ABCC1: variants seen among roughly 807,000 people sequenced by gnomAD.
ABCC1 encodes ATP binding cassette subfamily C member 1 (ABCC1 blood group), also known as multidrug resistance-associated protein 1.
In ABCC1, 83 loss-of-function variants were observed where a neutral mutation model predicts 172.9. The observed-to-expected ratio is 0.48, with a 90% confidence interval of 0.40 to 0.58. The LOEUF (loss-of-function observed/expected upper bound fraction) is 0.58. Ranked by LOEUF, ABCC1 falls within the 20% of genes least tolerant of loss-of-function variation. The pLI, the probability that ABCC1 is intolerant of heterozygous loss-of-function variation, is 0.00. For missense variants in ABCC1, 1,817 were observed against 2,002.7 expected (o/e 0.91, Z 1.77); for synonymous variants, 937 against 825.2 (o/e 1.14, Z -2.32).
chr16:16,134,232 C>G, intron 27 of ABCC1, 118 bp from the exon 28 acceptor site: 2 of 1,297,774 alleles, frequency 1.5e-6, no homozygotes, highest in Middle Eastern at 2.6e-4. Flanking sequence ...AGAGGGCTGT[C>G]GAGTTGGGTT....
intron 26 of ABCC1, among the ~76,000 whole-genome samples, chr16:16,128,796 C>G (rs866803797): frequency 1.3e-5 from 2 of 151,962 alleles, no homozygotes; most frequent in Non-Finnish European, 1.5e-5. Flanking sequence ...GCCAGGAGTT[C>G]GAGACCAGCC....
chr16:16,053,917 C>T (rs12444264), intron 11 of ABCC1, among the ~76,000 whole-genome samples: 20,893 of 150,242 alleles, frequency 0.14, 1,529 homozygotes, highest in Admixed American at 0.16. Context: ...CAACTTTCTA[C>T]GTATGTATAT....
intron 21 of ABCC1, among the ~76,000 whole-genome samples, chr16:16,108,545 G>T (rs1181972009): frequency 1.3e-5 from 2 of 150,474 alleles, no homozygotes; most frequent in African/African-American, 2.4e-5. Context: ...CTGGTGCTGG[G>T]ATTATAGGCA....
chr16:16,030,789 C>T (rs1462553232), intron 5 of ABCC1, among the ~76,000 whole-genome samples: 1 of 152,004 alleles, frequency 6.6e-6, no homozygotes, highest in Non-Finnish European at 1.5e-5. Flanking sequence ...CTTCAGTGCC[C>T]CAGTCGCACC....
At chr16:16,063,895 A>G (rs1394366889) in intron 12 of ABCC1, among the ~76,000 whole-genome samples, 1 of 152,170 alleles carries the variant, frequency 6.6e-6, no homozygotes, top group African/African-American at 2.4e-5. Context: ...TTCCTGAGCC[A>G]GTCACTGAGG....
chr16:16,082,278 G>A (rs965480118), intron 16 of ABCC1, among the ~76,000 whole-genome samples: 14 of 151,962 alleles, frequency 9.2e-5, no homozygotes, highest in African/African-American at 3.1e-4. Flanking sequence ...TCACTTTTTG[G>A]TTCTTGTCTA....
chr16:15,967,770 A>C lies in ABCC1; in HGVS notation c.48+17971A>C, dbSNP rs56133015. ...ATGGCACTGTCTCCAAAAAAAAAAA[A>C]AACAACAAAAAAAAAACTTGTTTAA... is the stretch of plus-strand genomic sequence containing the variant. On this transcript the variant is annotated intron_variant, in intron 1 of 30. Coordinates refer to ENST00000399410, the MANE Select transcript of ABCC1 (RefSeq NM_004996.4). 2.4e-3 allele frequency among the ~76,000 whole-genome samples: 320 copies of C among 134,964 alleles called. 1 individual carries two copies. Among genetic ancestry groups the C allele is most frequent in the African/African-American group, 7.1e-3 (265 of 37,208 alleles). 88.5% of individuals were successfully genotyped at this position (134,964 alleles called of 152,430 possible). A position where few individuals can be genotyped will look rare whatever the true frequency, so the allele number is the denominator to read the frequency against.
At chr16:16,022,725 T>C (rs1425291277) in intron 5 of ABCC1, among the ~76,000 whole-genome samples, 3 of 152,278 alleles carry the variant, frequency 2.0e-5, no homozygotes, top group Middle Eastern at 3.4e-3. Flanking sequence ...CTGTATAATA[T>C]GTAATATTTT....
intron 22 of ABCC1, among the ~76,000 whole-genome samples, chr16:16,114,402 G>A (rs562178029): frequency 1.2e-4 from 18 of 151,502 alleles, no homozygotes; most frequent in Non-Finnish European, 2.1e-4. Context: ...TGGAGTGGAC[G>A]CAGTCTTGGC....
intron 1 of ABCC1, among the ~76,000 whole-genome samples, chr16:15,988,057 A>G (rs928491510): frequency 1.5e-4 from 23 of 152,292 alleles, no homozygotes; most frequent in South Asian, 1.2e-3. Context: ...ACCCAGGTTC[A>G]AGGGATTCTC....
chr16:16,053,760 G>T, intron 11 of ABCC1, among the ~76,000 whole-genome samples: 1 of 94,998 alleles, frequency 1.1e-5, no homozygotes, highest in South Asian at 3.8e-4. Flanking sequence ...GCACAACAGA[G>T]TGAGACCCTG....
intron 2 of ABCC1, among the ~76,000 whole-genome samples, chr16:16,009,334 T>G (rs948376652): frequency 2.0e-5 from 3 of 152,194 alleles, no homozygotes; most frequent in African/African-American, 7.2e-5. Flanking sequence ...TGCTATAATT[T>G]ATTTTTTCTG....
In ABCC1 at chr16:16,000,253, T is replaced by G. The variant is rs149525129; in HGVS notation, c.49-7563T>G. ...TGTCTACCTTCCAAGGCTCAGGTGA[T>G]CTCCTGCTTCAGCCCACTGAGTAGC... On this transcript the variant is annotated intron_variant, in intron 1 of 30. Coordinates refer to ENST00000399410, the MANE Select transcript of ABCC1 (RefSeq NM_004996.4). Among the ~76,000 whole-genome samples the G allele has an allele frequency of 8.7e-3, 1,321 of 151,738 alleles. 22 individuals are homozygous for G. Among genetic ancestry groups the G allele is most frequent in the African/African-American group, 0.028 (1,162 of 41,324 alleles).
At chr16:16,032,641 A>G (rs1451006500) in intron 5 of ABCC1, among the ~76,000 whole-genome samples, 2 of 152,220 alleles carry the variant, frequency 1.3e-5, no homozygotes, top group Non-Finnish European at 2.9e-5. Context: ...CACATAGTAG[A>G]TGGTCAATAA....
At chr16:16,073,055 A>AAATAAT (rs1555493563) in intron 14 of ABCC1, among the ~76,000 whole-genome samples, 5 of 143,862 alleles carry the variant, frequency 3.5e-5, no homozygotes, top group Non-Finnish European at 3.0e-5. Flanking sequence ...AAAAAAAAAA[A>AAATAAT]AATAATAATA....
chr16:15,973,536 C>A (rs887891221), intron 1 of ABCC1, among the ~76,000 whole-genome samples: 2 of 152,102 alleles, frequency 1.3e-5, no homozygotes, highest in Non-Finnish European at 2.9e-5. Flanking sequence ...TATATACAAG[C>A]CATGTTAGGG....
chr16:16,128,090 T>G (rs1327428793), intron 26 of ABCC1, among the ~76,000 whole-genome samples: 1 of 151,404 alleles, frequency 6.6e-6, no homozygotes, highest in African/African-American at 2.4e-5. Flanking sequence ...CCAGCTAACT[T>G]ATTTCATTAG....
chr16:16,055,997 T>C (rs1352241896), intron 11 of ABCC1, 95 bp from the exon 12 acceptor site: 2 of 1,074,132 alleles, frequency 1.9e-6, no homozygotes, highest in East Asian at 5.1e-5. Flanking sequence ...TGTCAAAGTA[T>C]ATAATAAAGT....
chr16:16,104,778 C>T (rs1347888080), intron 20 of ABCC1, among the ~76,000 whole-genome samples: 5 of 152,148 alleles, frequency 3.3e-5, no homozygotes, highest in Admixed American at 3.3e-4. Context: ...GGTGGGGAGG[C>T]TCAGGCATGG....
Sources: gnomAD v4.1 joint callset for allele counts (sites outside exome capture counted in the v4.1 genomes callset) on GRCh38, gnomAD v4.1.1 for gene constraint, MANE v1.5 for transcripts, NCBI Gene and HGNC (gene_info 2026-07-23, HGNC 2026-07-21) for gene names.